IQGAP3: variants seen among roughly 807,000 people sequenced by gnomAD.
IQGAP3 encodes the protein ras GTPase-activating-like protein IQGAP3.
A neutral mutation model predicts 208.2 loss-of-function variants in IQGAP3; 165 were observed. The ratio of observed to expected loss-of-function variants is 0.79; its 90% CI spans 0.70 to 0.90. The LOEUF is 0.90. Ranked by LOEUF, IQGAP3 falls within the 40% of genes least tolerant of loss-of-function variation. The probability of loss-of-function intolerance (pLI) is 0.00; values close to 1 mark genes in which losing one functional copy is unlikely to be tolerated. For synonymous variants in IQGAP3, 703 were observed against 803.6 expected (o/e 0.87, Z 2.12); for missense variants, 1,811 against 2,043.1 (o/e 0.89, Z 2.19).
In IQGAP3 at chr1:156,544,089, C is replaced by A. The variant is rs1390140067; in HGVS notation, c.2461-39G>T. 3.1e-6 allele frequency: 5 copies of A among 1,613,554 alleles called. No homozygotes were observed. In the East Asian group the frequency reaches 1.1e-4, roughly 36 times the overall value. On this transcript the variant is annotated intron_variant, in intron 21 of 37. Transcript: ENST00000361170. Reference sequence around the variant, plus strand: ...AGATTGGAAAAGGGTTGCTGGCTGTCCTTGCTCTAGTCTCATGGGCAAAGG... The same window carrying A: ...AGATTGGAAAAGGGTTGCTGGCTGTACTTGCTCTAGTCTCATGGGCAAAGG...
chr1:156,546,492 C>T (rs1159172359), intron 19 of IQGAP3, among the ~76,000 whole-genome samples: 1 of 152,220 alleles, frequency 6.6e-6, no homozygotes, highest in Non-Finnish European at 1.5e-5. Context: ...GGGAGAAATC[C>T]CTATGATTCA....
intron 26 of IQGAP3, among the ~76,000 whole-genome samples, chr1:156,537,696 T>C (rs1674761054): frequency 1.3e-5 from 2 of 152,148 alleles, no homozygotes; most frequent in Admixed American, 6.5e-5. Flanking sequence ...AAGCCTCCTG[T>C]GCCATCCAGA....
chr1:156,569,633 G>A (rs939276766), intron 1 of IQGAP3, among the ~76,000 whole-genome samples, 170 bp from the exon 2 acceptor site: 7 of 144,126 alleles, frequency 4.9e-5, no homozygotes, highest in Non-Finnish European at 6.0e-5. Flanking sequence ...ATTCTCCTGC[G>A]TCAGCCTCCC....
chr1:156,536,868 C>T, intron 27 of IQGAP3: 1 of 223,340 alleles, frequency 4.5e-6, no homozygotes, highest in Admixed American at 5.5e-5. Context: ...ATATTGGGAA[C>T]TGAAGAGTCC....
rs1240986495 is a variant in IQGAP3, at chr1:156,561,022, C to T, written c.1042-1G>A. 8.1e-6 allele frequency: 13 copies of T among 1,611,584 alleles called. No individual in the cohort carries two copies. The highest frequency in any genetic ancestry group is 1.1e-5 in the Non-Finnish European group (13 of 1,177,854). ...CCAGAAGCTCCACCAGGCCCAGCTC[C>T]TAAGAGAGGGAAGAGATACAGTAGA... On this transcript the variant is annotated splice_acceptor_variant, in intron 10 of 37. Transcript: ENST00000361170. LOFTEE classifies it high-confidence loss of function.
intron 37 of IQGAP3, 66 bp from the exon 38 acceptor site, chr1:156,526,665 C>A (rs905290081): frequency 9.2e-7 from 1 of 1,085,186 alleles, no homozygotes; most frequent in Admixed American, 1.8e-5. Flanking sequence ...AGATGGTGTA[C>A]AAAACACTCA....
intron 19 of IQGAP3, among the ~76,000 whole-genome samples, 197 bp from the exon 20 acceptor site, chr1:156,544,669 T>A (rs890831904): frequency 6.6e-6 from 1 of 152,072 alleles, no homozygotes; most frequent in African/African-American, 2.4e-5. Flanking sequence ...TAGCCAACAA[T>A]GCCCTCTGCC....
intron 22 of IQGAP3, among the ~76,000 whole-genome samples, chr1:156,543,363 A>G (rs1675077590): frequency 6.6e-6 from 1 of 152,242 alleles, no homozygotes; most frequent in African/African-American, 2.4e-5. Context: ...CCAAGAGTGC[A>G]GCCTCAAGGC....
rs1225070583 is a variant in IQGAP3 at position 156,550,246 on chromosome 1, A to G, written c.1825+15T>C. The G allele has an allele frequency of 3.8e-6, 6 of 1,593,990 alleles. No individual in the cohort carries two copies. In the South Asian group the frequency reaches 4.4e-5, roughly 12 times the overall value. ...CATCCCTCCCCTCCCAGGGTCCCCC[A>G]ACCAGTCCATTTACTTCTCTGAGCT... On this transcript the variant is annotated intron_variant, in intron 16 of 37. Coordinates refer to ENST00000361170, the MANE Select transcript of IQGAP3 (RefSeq NM_178229.5).
At chr1:156,543,229 G>A (rs1232902993) in intron 22 of IQGAP3, among the ~76,000 whole-genome samples, 5 of 152,150 alleles carry the variant, frequency 3.3e-5, no homozygotes, top group East Asian at 1.9e-4. Flanking sequence ...TTGACAGGAA[G>A]CAGATGGCCT....
At chr1:156,553,211 T>C (rs973748547) in intron 13 of IQGAP3, among the ~76,000 whole-genome samples, 4 of 152,002 alleles carry the variant, frequency 2.6e-5, no homozygotes, top group African/African-American at 9.7e-5. Context: ...TCAGATCAAC[T>C]CCCTCCCGGC....
intron 9 of IQGAP3, 134 bp downstream of exon 9, chr1:156,562,453 C>T: frequency 2.7e-6 from 2 of 734,758 alleles, no homozygotes; most frequent in Non-Finnish European, 4.8e-6. Context: ...GGACTCTGAT[C>T]TTTCTCCGAG....
At chr1:156,563,110 C>T (rs754409781) in intron 8 of IQGAP3, 24 bp downstream of exon 8, 11 of 1,550,212 alleles carry the variant, frequency 7.1e-6, no homozygotes, top group African/African-American at 1.4e-5. Context: ...TTTTCGGTCC[C>T]TGCAACCCAA....
At chr1:156,567,221 TG>T (rs940880418) in intron 2 of IQGAP3, among the ~76,000 whole-genome samples, 35 of 152,356 alleles carry the variant, frequency 2.3e-4, no homozygotes, top group African/African-American at 7.9e-4. Context: ...TCTTTCATTC[TG>T]GGTTGTTCTC....
intron 4 of IQGAP3, 52 bp from the exon 5 acceptor site, chr1:156,564,743 A>G (rs1367076176): frequency 4.6e-6 from 6 of 1,295,728 alleles, no homozygotes; most frequent in African/African-American, 2.9e-5. Flanking sequence ...AAGCACCACC[A>G]AATGCGGAGA....
intron 26 of IQGAP3, 52 bp downstream of exon 26, chr1:156,538,757 G>A: frequency 4.6e-6 from 7 of 1,511,014 alleles, no homozygotes; most frequent in Non-Finnish European, 6.4e-6. Flanking sequence ...AGACACAGCT[G>A]ATCAAGACAC....
At position 156,548,431 on chromosome 1, in the gene IQGAP3, G is replaced by A; in HGVS notation, c.2050C>T (p.His684Tyr). 2 of 1,613,996 alleles carry A rather than the reference G, an allele frequency of 1.2e-6. No individual in the cohort carries two copies. Among genetic ancestry groups the A allele is most frequent in the Non-Finnish European group, 1.7e-6 (2 of 1,179,992 alleles). The change falls in exon 18 of 38, where the codon CAT becomes TAT. Residue 684 changes from histidine to tyrosine, a missense_variant. Physicochemically the swap from His to Tyr is moderately conservative, Grantham distance 83. Coordinates refer to ENST00000361170, the MANE Select transcript of IQGAP3 (RefSeq NM_178229.5). ...CAGATCCCCTGGAAGGTCTGCAGAT[G>A]GAAGTAGTAGGCAGTGCCATCCTTC... ...DMKDGTAYYF[H>Y]LQTFQGIWEQ...
At chr1:156,565,545 T>C (rs1021551423) in intron 4 of IQGAP3, among the ~76,000 whole-genome samples, 1 of 152,232 alleles carries the variant, frequency 6.6e-6, no homozygotes, top group Non-Finnish European at 1.5e-5. Flanking sequence ...GACCATGTGA[T>C]CTTCCTGACA....
chr1:156,528,532 T>G lies in IQGAP3; in HGVS notation c.4650A>C (p.Glu1550Asp), dbSNP rs1231915008. 6.2e-7 allele frequency: 1 copy of G among 1,613,840 alleles called. No homozygotes were observed. Among genetic ancestry groups the G allele is most frequent in the Non-Finnish European group, 8.5e-7 (1 of 1,179,828 alleles). ...AQLLEKGVLV[E>D]IEDLPASHFR... is the part of the protein sequence containing the mutation. ...ACTGAGAGGCGGGAAGATCTTCAATTTCCACCAAGACACCCTTTTCCAGGA... is the reference window on the plus strand; with the variant it reads ...ACTGAGAGGCGGGAAGATCTTCAATGTCCACCAAGACACCCTTTTCCAGGA... Residue 1550 changes from glutamate to aspartate, a missense_variant, in exon 36 of 38, where the codon GAA becomes GAC. By Grantham distance (45) the Glu-to-Asp change is conservative. Coordinates refer to ENST00000361170, the MANE Select transcript of IQGAP3 (RefSeq NM_178229.5).
Sources: allele counts gnomAD v4.1 joint callset (sites outside exome capture counted in the v4.1 genomes callset), GRCh38; gene constraint gnomAD v4.1.1; transcripts MANE v1.5; gene names NCBI Gene and HGNC (gene_info 2026-07-23, HGNC 2026-07-21).